The following NALCN variants were observed in gnomAD, a reference collection of about 807,000 sequenced individuals.
The protein encoded by NALCN is sodium leak channel, non-selective, also known as sodium leak channel NALCN.
A neutral mutation model predicts 225.3 loss-of-function variants in NALCN; 111 were observed. The observed-to-expected ratio is 0.49, with a 90% CI of 0.42 to 0.58. The LOEUF is 0.58. Among genes scored for constraint, NALCN ranks in the 20% least tolerant of loss-of-function variants. NALCN has a pLI of 0.00. For missense variants in NALCN, 1,378 were observed against 2,202.4 expected (o/e 0.63, Z 7.49); for synonymous variants, 764 against 769.0 (o/e 0.99, Z 0.11).
chr13:101,061,820 G>T (rs990502633), intron 41 of NALCN, 148 bp downstream of exon 41: 8 of 693,710 alleles, frequency 1.2e-5, no homozygotes, highest in Non-Finnish European at 1.9e-5. Flanking sequence ...ACCACTGTAA[G>T]TGGAGGTAGT....
At chr13:101,271,464 A>T (rs61448191) in intron 10 of NALCN, among the ~76,000 whole-genome samples, 1 of 152,008 alleles carries the variant, frequency 6.6e-6, no homozygotes. Flanking sequence ...ACATGTAGCT[A>T]TTTTATTTTT....
intron 12 of NALCN, 74 bp from the exon 13 acceptor site, chr13:101,229,658 CTAAAA>C: frequency 8.4e-7 from 1 of 1,190,098 alleles, no homozygotes; most frequent in Non-Finnish European, 1.1e-6. Flanking sequence ...TATATTCATA[CTAAAA>C]TATTATTTTA....
At chr13:101,385,432 C>A (rs1438669161) in intron 3 of NALCN, among the ~76,000 whole-genome samples, 1 of 150,078 alleles carries the variant, frequency 6.7e-6, no homozygotes, top group Non-Finnish European at 1.5e-5. Context: ...CTATTAAAGC[C>A]CTTTCATAAA....
chr13:101,398,473 C>A (rs1362867534), intron 2 of NALCN, among the ~76,000 whole-genome samples: 2 of 152,172 alleles, frequency 1.3e-5, no homozygotes. Context: ...GTTCTGGTTA[C>A]TATGCTTTCT....
intron 7 of NALCN, among the ~76,000 whole-genome samples, chr13:101,316,446 C>T (rs1239539498): frequency 6.6e-6 from 1 of 152,200 alleles, no homozygotes; most frequent in Non-Finnish European, 1.5e-5. Context: ...AGCATACTGG[C>T]ACCACCCACT....
intron 13 of NALCN, among the ~76,000 whole-genome samples, chr13:101,196,247 A>G (rs2039884909): frequency 6.6e-6 from 1 of 152,090 alleles, no homozygotes; most frequent in South Asian, 2.1e-4. Flanking sequence ...GAAAATAAAT[A>G]TATTCTTTCT....
At chr13:101,069,326 G>A (rs546187783) in intron 37 of NALCN, among the ~76,000 whole-genome samples, 2 of 152,358 alleles carry the variant, frequency 1.3e-5, no homozygotes, top group South Asian at 2.1e-4. Flanking sequence ...GTTTCCCAGT[G>A]CACATGCAAC....
chr13:101,081,494 A>G (rs2033646944), intron 34 of NALCN, 33 bp downstream of exon 34: 1 of 1,613,378 alleles, frequency 6.2e-7, no homozygotes, highest in Non-Finnish European at 8.5e-7. Context: ...AACTGAAATA[A>G]TCAGCTGAAA....
At chr13:101,175,275 G>T (rs7319566) in intron 15 of NALCN, among the ~76,000 whole-genome samples, 4 of 147,088 alleles carry the variant, frequency 2.7e-5, no homozygotes, top group Admixed American at 6.7e-5. Flanking sequence ...TTTTTTCCTT[G>T]TTGATACCCT....
chr13:101,208,465 G>T (rs1317206462), intron 13 of NALCN, among the ~76,000 whole-genome samples: 2 of 152,234 alleles, frequency 1.3e-5, no homozygotes, highest in Admixed American at 6.5e-5. Flanking sequence ...TCCGGACACA[G>T]TATGAGAGGG....
At chr13:101,122,267 GCTTT>G (rs963068567) in intron 18 of NALCN, among the ~76,000 whole-genome samples, 6 of 152,054 alleles carry the variant, frequency 3.9e-5, no homozygotes, top group Non-Finnish European at 8.8e-5. Flanking sequence ...AAACAAAATG[GCTTT>G]CTAAGATCAA....
intron 6 of NALCN, among the ~76,000 whole-genome samples, chr13:101,376,450 G>A (rs527259883): frequency 1.3e-5 from 2 of 152,156 alleles, no homozygotes; most frequent in South Asian, 2.1e-4. Flanking sequence ...CCGGGATGCG[G>A]AGGTTGCAGT....
At chr13:101,311,009 A>C (rs572127606) in intron 7 of NALCN, among the ~76,000 whole-genome samples, 342 of 151,958 alleles carry the variant, frequency 2.3e-3, no homozygotes, top group African/African-American at 4.6e-3. Flanking sequence ...ATGTTCTTCC[A>C]TTTGTTTGTA....
chr13:101,176,407 C>T (rs1417040360), intron 14 of NALCN, 33 bp from the exon 15 acceptor site: 1 of 1,509,134 alleles, frequency 6.6e-7, no homozygotes, highest in African/African-American at 1.4e-5. Context: ...TGAAAAAACC[C>T]ACATGCCATA....
chr13:101,289,096 A>C (rs2043449802), intron 9 of NALCN, among the ~76,000 whole-genome samples: 1 of 152,248 alleles, frequency 6.6e-6, no homozygotes, highest in South Asian at 2.1e-4. Flanking sequence ...GTGGATTAAC[A>C]AAGCAGGGTA....
chr13:101,347,754 G>C lies in NALCN; in HGVS notation c.645-2334C>G, dbSNP rs183924042. 3.2e-4 allele frequency among the ~76,000 whole-genome samples: 49 copies of C among 152,284 alleles called. 1 individual carries two copies. Among genetic ancestry groups the C allele is most frequent in the Non-Finnish European group, 2.9e-5 (2 of 68,010 alleles). ...TCAGCTTCCTCATCTGTAAGGTAGA[G>C]AGAGTAATCATAATTAAAAGCAAAG... On this transcript the variant is annotated intron_variant, in intron 6 of 43. Coordinates refer to ENST00000251127, the MANE Select transcript of NALCN (RefSeq NM_052867.4).
intron 7 of NALCN, among the ~76,000 whole-genome samples, chr13:101,330,285 G>A (rs1418260835): frequency 3.3e-5 from 5 of 152,022 alleles, no homozygotes; most frequent in African/African-American, 1.2e-4. Flanking sequence ...TATAAAATCA[G>A]AGCTGTGAGC....
chr13:101,173,657 A>T (rs1395782132), intron 15 of NALCN, among the ~76,000 whole-genome samples: 1 of 152,164 alleles, frequency 6.6e-6, no homozygotes, highest in Admixed American at 6.5e-5. Flanking sequence ...GTTTGAACGG[A>T]GCAAAGATGG....
chr13:101,411,418 C>A (rs1429064025), intron 1 of NALCN, among the ~76,000 whole-genome samples: 1 of 151,022 alleles, frequency 6.6e-6, no homozygotes, highest in Non-Finnish European at 1.5e-5. Context: ...TCTCGGCTCG[C>A]TGCAACCTCT....
Sources: allele counts gnomAD v4.1 joint callset (sites outside exome capture counted in the v4.1 genomes callset), GRCh38; gene constraint gnomAD v4.1.1; transcripts MANE v1.5; gene names NCBI Gene and HGNC (gene_info 2026-07-23, HGNC 2026-07-21).